The following SHLD2 variants were observed in gnomAD, a reference collection of about 807,000 sequenced individuals.
SHLD2 encodes RINN1-REV7-interacting novel NHEJ regulator 2.
SHLD2 carries 30 observed loss-of-function variants against 73.2 expected under a neutral mutation model. The observed-to-expected ratio is 0.41, with a 90% CI of 0.31 to 0.56. The LOEUF is 0.56. Among genes scored for constraint, SHLD2 ranks in the 20% least tolerant of loss-of-function variants. The probability of loss-of-function intolerance (pLI) is 0.28; values close to 1 mark genes in which losing one functional copy is unlikely to be tolerated. For missense variants in SHLD2, 745 were observed against 1,055.9 expected (o/e 0.71, Z 4.08); for synonymous variants, 285 against 370.1 (o/e 0.77, Z 2.64).
intron 8 of SHLD2, 56 bp from the exon 9 acceptor site, chr10:87,187,029 C>G: frequency 9.0e-7 from 1 of 1,107,570 alleles, no homozygotes; most frequent in Non-Finnish European, 1.4e-6. Flanking sequence ...TTCATTTAAG[C>G]ATTTCTTTTA....
Position 87,152,052 on chromosome 10 carries a change from A to G in SHLD2, c.698A>G (p.Asp233Gly). Residue 233 changes from aspartate to glycine, a missense_variant, in exon 3 of 10, where the codon GAC (aspartate) becomes GGC (glycine). Around this residue, in one of 5 missense-constraint regions of SHLD2, gnomAD observed 280 missense variants for 353.9 expected, o/e 0.79. Coordinates refer to ENST00000298786, the MANE Select transcript of SHLD2 (RefSeq NM_001330112.2). ...RSEAAVRKVSDLKISTDTEFL... is the reference protein window; with the variant it reads ...RSEAAVRKVSGLKISTDTEFL... The stretch of plus-strand genomic sequence containing the variant: ...GAAGCAGCAGTTAGGAAGGTCTCAG[A>G]CCTTAAAATATCAACTGATACAGAA... The G allele has an allele frequency of 6.2e-7, 1 of 1,611,908 alleles. No homozygotes were observed. Among genetic ancestry groups the G allele is most frequent in the Non-Finnish European group, 8.5e-7 (1 of 1,179,816 alleles).
At chr10:87,175,748 T>C (rs1263572290) in intron 6 of SHLD2, 141 bp from the exon 7 acceptor site, 2 of 636,146 alleles carry the variant, frequency 3.1e-6, no homozygotes, top group Non-Finnish European at 5.6e-6. Context: ...GCATCATTCA[T>C]ATTTTGTCTC....
intron 2 of SHLD2, 69 bp downstream of exon 2, chr10:87,097,058 C>CA (rs1368220198): frequency 6.6e-6 from 1 of 152,000 alleles, no homozygotes; most frequent in Non-Finnish European, 1.5e-5. Flanking sequence ...CCCACTCCTG[C>CA]AAAAAACCCA....
intron 2 of SHLD2, among the ~76,000 whole-genome samples, chr10:87,149,785 G>C (rs922359587): frequency 6.6e-6 from 1 of 152,130 alleles, no homozygotes; most frequent in Non-Finnish European, 1.5e-5. Flanking sequence ...CTGAAGTGCA[G>C]TGGTGTGATC....
rs192330247 is a variant in SHLD2, at chr10:87,122,800, C to T, written c.-6+25811C>T. On this transcript the variant is annotated intron_variant, in intron 2 of 9. Coordinates refer to ENST00000298786, the MANE Select transcript of SHLD2 (RefSeq NM_001330112.2). ...TTTATTTTTATTTTATTTTTTGAGA[C>T]GGAGTCTCGCTCTGTCGCCCAGGCT... Among the ~76,000 whole-genome samples the T allele has an allele frequency of 6.0e-3, 921 of 152,232 alleles. 7 individuals carry two copies. Among genetic ancestry groups the T allele is most frequent in the African/African-American group, 0.021 (865 of 41,536 alleles).
chr10:87,187,121 T>A lies in SHLD2; in HGVS notation c.2436T>A (p.Asp812Glu). Residue 812 changes from aspartate (D) to glutamate (E), a missense_variant, in exon 9 of 10, where the codon GAT (aspartate) becomes GAA (glutamate). Physicochemically the swap from Asp to Glu is conservative, Grantham distance 45. Coordinates refer to ENST00000298786, the MANE Select transcript of SHLD2 (RefSeq NM_001330112.2). Reference protein sequence around the residue: ...ALMTAIDGRHDVCIRVESKLI... With the variant: ...ALMTAIDGRHEVCIRVESKLI... Reference sequence around the variant, plus strand: ...TGACTGCCATTGATGGAAGACATGATGTTTGTATCCGTGTAGAATCAAAGC... The same window carrying A: ...TGACTGCCATTGATGGAAGACATGAAGTTTGTATCCGTGTAGAATCAAAGC... 3.1e-6 allele frequency: 5 copies of A among 1,613,584 alleles called. No homozygotes were observed. The highest frequency in any genetic ancestry group is 8.5e-7 in the Non-Finnish European group (1 of 1,179,554).
chr10:87,106,047 A>G (rs1468845759), intron 2 of SHLD2, among the ~76,000 whole-genome samples: 1 of 152,238 alleles, frequency 6.6e-6, no homozygotes, highest in East Asian at 1.9e-4. Flanking sequence ...CTTGTTGCCC[A>G]GGCTGGAGTG....
At chr10:87,131,074 A>G (rs999182527) in intron 2 of SHLD2, among the ~76,000 whole-genome samples, 106 of 152,288 alleles carry the variant, frequency 7.0e-4, no homozygotes, top group African/African-American at 2.5e-3. Flanking sequence ...CTCAAAAACA[A>G]AAACAAAAAC....
intron 2 of SHLD2, among the ~76,000 whole-genome samples, chr10:87,126,441 A>G (rs1199233645): frequency 2.6e-5 from 4 of 151,832 alleles, no homozygotes; most frequent in African/African-American, 9.7e-5. Context: ...GACTTTTTTG[A>G]TTTTGTTTTT....
In SHLD2 at chr10:87,101,900, C is replaced by T. The variant is rs575682263; in HGVS notation, c.-6+4911C>T. ...CTGCACTCCAGCCTGGGCGACAGAA[C>T]GGTTTTTGTATGCTTCAACCTTACT... On this transcript the variant is annotated intron_variant, in intron 2 of 9. Coordinates refer to ENST00000298786, the MANE Select transcript of SHLD2 (RefSeq NM_001330112.2). Among the ~76,000 whole-genome samples the T allele has an allele frequency of 5.3e-5, 8 of 152,238 alleles. No individual in the cohort carries two copies. The East Asian group carries it at 1.3e-3, about 26-fold the overall frequency.
chr10:87,155,225 G>A (rs1297148562), intron 3 of SHLD2, among the ~76,000 whole-genome samples: 3 of 152,196 alleles, frequency 2.0e-5, no homozygotes, highest in Admixed American at 6.5e-5. Flanking sequence ...GTGAGCCACC[G>A]CACCCGGCCG....
chr10:87,141,209 A>C (rs1845172604), intron 2 of SHLD2, among the ~76,000 whole-genome samples: 1 of 151,968 alleles, frequency 6.6e-6, no homozygotes, highest in Non-Finnish European at 1.5e-5. Context: ...TGAGCTTGGG[A>C]GGTTGAGGCT....
chr10:87,128,211 C>T (rs1010169510), intron 2 of SHLD2, among the ~76,000 whole-genome samples: 1 of 152,146 alleles, frequency 6.6e-6, no homozygotes, highest in African/African-American at 2.4e-5. Context: ...TTGGAATTTA[C>T]CTGTGGTTTT....
At chr10:87,177,947 T>A (rs1589654888) in intron 7 of SHLD2, among the ~76,000 whole-genome samples, 1 of 152,206 alleles carries the variant, frequency 6.6e-6, no homozygotes, top group African/African-American at 2.4e-5. Context: ...TTATTAAGAA[T>A]TTTTTAGGCT....
intron 9 of SHLD2, among the ~76,000 whole-genome samples, chr10:87,189,825 C>T (rs1168871901): frequency 2.6e-5 from 4 of 151,880 alleles, no homozygotes; most frequent in African/African-American, 2.4e-5. Flanking sequence ...TTTAAGTGAC[C>T]GATTCAAGAT....
chr10:87,107,896 T>C (rs1272807657), intron 2 of SHLD2, among the ~76,000 whole-genome samples: 1 of 152,140 alleles, frequency 6.6e-6, no homozygotes, highest in East Asian at 1.9e-4. Flanking sequence ...TGTTTGTTTT[T>C]TGTTTTTTGA....
At chr10:87,110,194 TG>T (rs1322406359) in intron 2 of SHLD2, among the ~76,000 whole-genome samples, 1 of 151,824 alleles carries the variant, frequency 6.6e-6, no homozygotes, top group East Asian at 1.9e-4. Flanking sequence ...GAGACTGAGG[TG>T]GGAGGATCGC....
intron 8 of SHLD2, among the ~76,000 whole-genome samples, 162 bp from the exon 9 acceptor site, chr10:87,186,923 C>A (rs989599806): frequency 5.3e-5 from 8 of 151,284 alleles, no homozygotes; most frequent in Non-Finnish European, 1.2e-4. Context: ...AAAAAAAAAC[C>A]TTTTTTTCCT....
rs1200729399 is a variant in SHLD2 at position 87,168,069 on chromosome 10, G to C, written c.1634-2409G>C. Among the ~76,000 whole-genome samples the C allele has an allele frequency of 3.3e-5, 5 of 152,088 alleles. No homozygotes were observed. In the East Asian group the frequency reaches 7.7e-4, roughly 23 times the overall value. ...TCAGCCGCTGTTGAAAACAGTTTGG[G>C]GTTTTCTCAAAGAAGTTAAAACTGA... is the stretch of plus-strand genomic sequence containing the variant. On this transcript the variant is annotated intron_variant, in intron 4 of 9. Coordinates refer to ENST00000298786, the MANE Select transcript of SHLD2 (RefSeq NM_001330112.2).
Sources: gnomAD v4.1 joint callset for allele counts (sites outside exome capture counted in the v4.1 genomes callset) on GRCh38, gnomAD v4.1.1 for gene constraint, gnomAD v4.1.1 regional missense constraint, MANE v1.5 for transcripts, NCBI Gene and HGNC (gene_info 2026-07-23, HGNC 2026-07-21) for gene names.